CTNNA3: variants seen among roughly 807,000 people sequenced by gnomAD.
The protein encoded by CTNNA3 is catenin alpha-3.
In CTNNA3, 76 loss-of-function variants were observed where a neutral mutation model predicts 95.7. That is an observed-to-expected ratio of 0.79 (90% CI 0.66 to 0.96). CTNNA3 has a LOEUF of 0.96. Ranked by LOEUF, CTNNA3 falls within the 40% of genes least tolerant of loss-of-function variation. The pLI is 0.00. For missense variants in CTNNA3, 1,191 were observed against 1,089.8 expected (o/e 1.09, Z -1.31); for synonymous variants, 431 against 374.4 (o/e 1.15, Z -1.74).
At chr10:66,803,958 T>C (rs12763269) in intron 7 of CTNNA3, among the ~76,000 whole-genome samples, 1 of 148,960 alleles carries the variant, frequency 6.7e-6, no homozygotes, top group South Asian at 2.1e-4. Flanking sequence ...AAGATGCCAG[T>C]TGTTTTTTTT....
intron 7 of CTNNA3, among the ~76,000 whole-genome samples, chr10:66,806,622 A>T (rs1841653983): frequency 6.6e-6 from 1 of 152,020 alleles, no homozygotes; most frequent in Non-Finnish European, 1.5e-5. Context: ...CTGTGCCAGG[A>T]TTCCATACGC....
intron 1 of CTNNA3, among the ~76,000 whole-genome samples, chr10:67,726,402 T>TAATATTATATATGAAATTATA (rs1564841090): frequency 0.018 from 749 of 42,496 alleles, 5 homozygotes; most frequent in African/African-American, 0.046. Flanking sequence ...ATATTATATA[T>TAATATTATATATGAAATTATA]TATATCATAT....
intron 13 of CTNNA3, among the ~76,000 whole-genome samples, chr10:66,245,103 T>G (rs1251769186): frequency 3.9e-5 from 6 of 151,924 alleles, no homozygotes; most frequent in African/African-American, 1.5e-4. Flanking sequence ...CAAGGGTGAG[T>G]CAGCAATAGA....
intron 5 of CTNNA3, among the ~76,000 whole-genome samples, chr10:67,501,064 G>A (rs984452727): frequency 2.0e-5 from 3 of 152,190 alleles, no homozygotes; most frequent in Admixed American, 2.0e-4. Flanking sequence ...TAGTGCCGAT[G>A]GTCTTTACAA....
chr10:67,359,424 T>C (rs1316376619), intron 5 of CTNNA3, among the ~76,000 whole-genome samples: 1 of 152,002 alleles, frequency 6.6e-6, no homozygotes, highest in Non-Finnish European at 1.5e-5. Flanking sequence ...GAATTCAGAA[T>C]CTGGATGGGT....
intron 7 of CTNNA3, among the ~76,000 whole-genome samples, chr10:67,104,775 G>A (rs1321892907): frequency 1.3e-5 from 2 of 151,998 alleles, no homozygotes; most frequent in Admixed American, 6.6e-5. Context: ...TCAAGAGCCA[G>A]TAAAGCACTC....
chr10:67,025,685 CACA>C (rs1316486261), intron 7 of CTNNA3, among the ~76,000 whole-genome samples: 8 of 152,238 alleles, frequency 5.3e-5, no homozygotes, highest in Middle Eastern at 6.8e-3. Context: ...TATATCATTA[CACA>C]ACAACAACAA....
chr10:66,789,655 T>C (rs2132874033), intron 7 of CTNNA3, among the ~76,000 whole-genome samples: 1 of 152,292 alleles, frequency 6.6e-6, no homozygotes, highest in South Asian at 2.1e-4. Context: ...CAGAAGATAT[T>C]GATTCTTGTG....
At chr10:66,559,971 G>A (rs868675248) in intron 10 of CTNNA3, among the ~76,000 whole-genome samples, 1 of 151,954 alleles carries the variant, frequency 6.6e-6, no homozygotes, top group Middle Eastern at 3.2e-3. Flanking sequence ...TGCTTAATCT[G>A]ACGCTCAACA....
In CTNNA3 at chr10:67,049,877, C is replaced by T. The variant is rs147906897; in HGVS notation, c.1047+130440G>A. ...ATATACACACACATTTTGTATTAGC[C>T]TATGTTATTCTAAGCATTAGTCTTA... On this transcript the variant is annotated intron_variant, in intron 7 of 17. Coordinates refer to ENST00000433211, the MANE Select transcript of CTNNA3 (RefSeq NM_013266.4). Among the ~76,000 whole-genome samples, 368 of 152,152 alleles carry T rather than the reference C, an allele frequency of 2.4e-3. 6 individuals are homozygous for T. The East Asian group carries it at 0.028, about 12-fold the overall frequency.
At chr10:66,161,881 G>T (rs1420128655) in intron 13 of CTNNA3, among the ~76,000 whole-genome samples, 2 of 152,024 alleles carry the variant, frequency 1.3e-5, no homozygotes, top group African/African-American at 2.4e-5. Flanking sequence ...CTTCTTGGAG[G>T]CTGTGTTCAT....
chr10:66,764,240 T>A (rs1839748165), intron 9 of CTNNA3, among the ~76,000 whole-genome samples: 1 of 152,150 alleles, frequency 6.6e-6, no homozygotes, highest in Admixed American at 6.6e-5. Context: ...TCTTTCAAAA[T>A]TCACATGGAA....
chr10:67,328,847 T>C (rs1160877943), intron 5 of CTNNA3, among the ~76,000 whole-genome samples: 1 of 152,180 alleles, frequency 6.6e-6, no homozygotes, highest in Non-Finnish European at 1.5e-5. Flanking sequence ...TTCTTTTTCT[T>C]TTTTTATGAT....
At chr10:66,829,791 C>CT (rs1470466763) in intron 7 of CTNNA3, among the ~76,000 whole-genome samples, 2 of 151,974 alleles carry the variant, frequency 1.3e-5, no homozygotes, top group Non-Finnish European at 2.9e-5. Flanking sequence ...ACACCACCAC[C>CT]TACTGATCAG....
intron 2 of CTNNA3, among the ~76,000 whole-genome samples, chr10:67,624,042 G>A (rs1188402123): frequency 2.0e-5 from 3 of 151,902 alleles, no homozygotes; most frequent in Admixed American, 6.6e-5. Flanking sequence ...GGCTGGTCTC[G>A]AACTCCTGAC....
At chr10:66,774,286 A>G (rs1224573080) in intron 8 of CTNNA3, among the ~76,000 whole-genome samples, 1 of 152,108 alleles carries the variant, frequency 6.6e-6, no homozygotes, top group Non-Finnish European at 1.5e-5. Flanking sequence ...TCATTCCACG[A>G]AAGGGGAGGA....
At chr10:67,691,451 G>A (rs1038443951) in intron 1 of CTNNA3, among the ~76,000 whole-genome samples, 17 of 151,684 alleles carry the variant, frequency 1.1e-4, no homozygotes, top group African/African-American at 3.6e-4. Flanking sequence ...AGTGAGGAGC[G>A]CCTCTTCCCG....
intron 8 of CTNNA3, among the ~76,000 whole-genome samples, chr10:66,768,038 A>G (rs1839936772): frequency 6.6e-6 from 1 of 152,182 alleles, no homozygotes; most frequent in African/African-American, 2.4e-5. Flanking sequence ...TTTGCTGTCT[A>G]TAGGAAGTAC....
chr10:66,321,789 A>G (rs1387984473), intron 12 of CTNNA3, among the ~76,000 whole-genome samples: 2 of 152,136 alleles, frequency 1.3e-5, no homozygotes, highest in African/African-American at 4.8e-5. Context: ...ACTGCTACGA[A>G]AAAGCTCCAA....
Sources: gnomAD v4.1 joint callset for allele counts (sites outside exome capture counted in the v4.1 genomes callset) on GRCh38, gnomAD v4.1.1 for gene constraint, MANE v1.5 for transcripts, NCBI Gene and HGNC (gene_info 2026-07-23, HGNC 2026-07-21) for gene names.